Variants in POLG observed in about 807,000 individuals in gnomAD.
The protein encoded by POLG is DNA polymerase subunit gamma-1.
Under a neutral mutation model 155.4 loss-of-function variants are expected in POLG, and 110 were observed. The ratio of observed to expected loss-of-function variants is 0.71; its 90% CI spans 0.61 to 0.83. The LOEUF (loss-of-function observed/expected upper bound fraction) is 0.83. Ranked by LOEUF, POLG falls within the 40% of genes least tolerant of loss-of-function variation. POLG has a pLI of 0.00. For synonymous variants in POLG, 701 were observed against 631.5 expected (o/e 1.11, Z -1.65); for missense variants, 1,685 against 1,627.5 (o/e 1.04, Z -0.61).
intron 3 of POLG, among the ~76,000 whole-genome samples, chr15:89,329,336 G>A (rs1275516679): frequency 6.6e-6 from 1 of 152,218 alleles, no homozygotes; most frequent in Non-Finnish European, 1.5e-5. Context: ...CACCCTTTAA[G>A]ATGCAGGCCT....
At chr15:89,325,065 T>TGAGTGAGAGAGTGAGTGAGA (rs2055459610) in intron 10 of POLG, among the ~76,000 whole-genome samples, 1 of 87,926 alleles carries the variant, frequency 1.1e-5, no homozygotes, top group African/African-American at 5.7e-5. Context: ...AGAGAGTGAG[T>TGAGTGAGAGAGTGAGTGAGA]GAGTGAGTGA....
At position 89,330,070 on chromosome 15, in the gene POLG, A is replaced by G. The variant is rs1374326047; in HGVS notation, c.855+11T>C. 1 of 1,612,962 alleles carries G rather than the reference A, an allele frequency of 6.2e-7. No individual in the cohort carries two copies. Among genetic ancestry groups the G allele is most frequent in the Non-Finnish European group, 8.5e-7 (1 of 1,179,070 alleles). ...CATGCCAGAACCTGCAGTTGGCCCCAGGAACCTTACCTGGATCAGGTACTG... is the reference window on the plus strand; with the variant it reads ...CATGCCAGAACCTGCAGTTGGCCCCGGGAACCTTACCTGGATCAGGTACTG... On this transcript the variant is annotated intron_variant, in intron 3 of 22. Transcript: ENST00000268124.
chr15:89,321,935 T>C, intron 15 of POLG, 27 bp downstream of exon 15: 1 of 1,613,000 alleles, frequency 6.2e-7, no homozygotes, highest in Non-Finnish European at 8.5e-7. Context: ...AGTTCTCCTA[T>C]CCCTACAACC....
At chr15:89,325,183 T>TGAGTGAGTGAGA (rs1258706674) in intron 10 of POLG, among the ~76,000 whole-genome samples, 4 of 45,786 alleles carry the variant, frequency 8.7e-5, no homozygotes, top group Admixed American at 2.1e-4. Flanking sequence ...AGTGAGAGAG[T>TGAGTGAGTGAGA]GAGTGAGTGA....
chr15:89,328,854 A>G, intron 4 of POLG, 23 bp from the exon 5 acceptor site: 1 of 1,614,066 alleles, frequency 6.2e-7, no homozygotes, highest in Non-Finnish European at 8.5e-7. Context: ...AGCAAGGGAC[A>G]TGGCAGATCA....
intron 18 of POLG, 132 bp downstream of exon 18, chr15:89,320,634 C>A: frequency 9.9e-7 from 1 of 1,007,602 alleles, no homozygotes; most frequent in Admixed American, 2.0e-5. Context: ...CCAGGTTACA[C>A]AGGTGTGGAA....
rs762878459 is a variant in POLG at position 89,327,215 on chromosome 15, G to A, written c.1385C>T (p.Ser462Leu). ...YEELQREMKK[S>L]LMDLANDACQ... ...GGCATCATTGGCCAGATCCATCAAC[G>A]ACTTCTTCATCTCCCGCTGGAGCTC... Residue 462 changes from serine (S) to leucine (L), a missense_variant, in exon 7 of 23, where the codon TCG (serine) becomes TTG (leucine). By Grantham distance (145) the Ser-to-Leu change is moderately radical. This residue lies in a region of POLG where 1,210 missense variants were observed against 1,167.1 expected (regional missense o/e 1.04). Transcript: ENST00000268124. 14 of 1,614,070 alleles carry A rather than the reference G, an allele frequency of 8.7e-6. No homozygotes were observed. Among genetic ancestry groups the A allele is most frequent in the Admixed American group, 6.7e-5 (4 of 60,006 alleles).
At chr15:89,326,404 T>C (rs550684895) in intron 9 of POLG, among the ~76,000 whole-genome samples, 15 of 152,300 alleles carry the variant, frequency 9.8e-5, no homozygotes, top group African/African-American at 3.4e-4. Context: ...GCACAGCAGG[T>C]GCTCACAACA....
intron 1 of POLG, chr15:89,334,354 T>C (rs1361752768): frequency 1.3e-5 from 2 of 153,530 alleles, no homozygotes; most frequent in East Asian, 1.9e-4. Context: ...CGGCAAATGG[T>C]GGCTGCCATT....
At chr15:89,332,299 A>C (rs991436647) in intron 2 of POLG, 2 of 152,256 alleles carry the variant, frequency 1.3e-5, no homozygotes, top group African/African-American at 2.4e-5. Flanking sequence ...TGTAGCTTCC[A>C]ATAGGAATAA....
rs748248482 is a variant in POLG, at chr15:89,320,812, C to A, written c.2935G>T (p.Ala979Ser). Residue 979 changes from alanine to serine, a missense_variant, in exon 18 of 23, where the codon GCT becomes TCT. Physicochemically the swap from Ala to Ser is moderately conservative, Grantham distance 99. Transcript: ENST00000268124. ...GCGTACATCTGCTGGGCCTTCTCAGCTGCCTCCTGCTGTGTGAGCCGGTGG... is the reference window on the plus strand; with the variant it reads ...GCGTACATCTGCTGGGCCTTCTCAGATGCCTCCTGCTGTGTGAGCCGGTGG... ...FNHRLTQQEAAEKAQQMYAAT... is the reference protein window; with the variant it reads ...FNHRLTQQEASEKAQQMYAAT... The A allele has an allele frequency of 6.2e-7, 1 of 1,613,900 alleles. No individual in the cohort carries two copies. Among genetic ancestry groups the A allele is most frequent in the South Asian group, 1.1e-5 (1 of 91,072 alleles).
In POLG at chr15:89,327,471, G is replaced by A. The variant is rs3176176; in HGVS notation, c.1251-122C>T. ...ACATGGCACAGCTCAAAAGTCAGAC[G>A]GCATTAAATCCCAGCTCTACTGTTA... is the stretch of plus-strand genomic sequence containing the variant. On this transcript the variant is annotated intron_variant, in intron 6 of 22. Coordinates refer to ENST00000268124, the MANE Select transcript of POLG (RefSeq NM_002693.3). The A allele has an allele frequency of 3.8e-5, 33 of 857,660 alleles. No individual in the cohort carries two copies. The Admixed American group carries it at 4.5e-4, about 12-fold the overall frequency. The allele number at this position is 857,660 out of a possible 1,614,324, so 53.1% of individuals were successfully genotyped here.
intron 21 of POLG, chr15:89,318,146 T>C (rs866337184): frequency 2.0e-5 from 4 of 198,796 alleles, no homozygotes; most frequent in South Asian, 8.2e-5. Context: ...TAACAAACTT[T>C]TGGCACTTAC....
intron 6 of POLG, among the ~76,000 whole-genome samples, chr15:89,327,676 G>A (rs758872582): frequency 1.3e-5 from 2 of 152,100 alleles, no homozygotes; most frequent in African/African-American, 2.4e-5. Context: ...TCCCATACAT[G>A]AAAAACATCA....
chr15:89,318,903 T>G lies in POLG; in HGVS notation c.3273+28A>C, dbSNP rs371425871. On this transcript the variant is annotated intron_variant, in intron 20 of 22. Transcript: ENST00000268124. The stretch of plus-strand genomic sequence containing the variant: ...TGCCCTGCCCTCCCTGGGGCCCCTC[T>G]GCCCATGCTCCAAAGGTAGCAAGAT... 64 of 1,613,496 alleles carry G rather than the reference T, an allele frequency of 4.0e-5. No individual in the cohort carries two copies. Among genetic ancestry groups the G allele is most frequent in the Non-Finnish European group, 5.1e-5 (60 of 1,179,684 alleles).
At position 89,327,453 on chromosome 15, in the gene POLG, A is replaced by C. The variant is rs1463336797; in HGVS notation, c.1251-104T>G. ...GCCTCAACCCAGCCACTGACATGGCACAGCTCAAAAGTCAGACGGCATTAA... is the reference window on the plus strand; with the variant it reads ...GCCTCAACCCAGCCACTGACATGGCCCAGCTCAAAAGTCAGACGGCATTAA... On this transcript the variant is annotated intron_variant, in intron 6 of 22. Transcript: ENST00000268124. 9 of 1,034,414 alleles carry C rather than the reference A, an allele frequency of 8.7e-6. No individual in the cohort carries two copies. The East Asian group carries it at 2.0e-4, about 23-fold the overall frequency. The allele number at this position is 1,034,414 out of a possible 1,614,324, so 64.1% of individuals were successfully genotyped here.
Position 89,316,487 on chromosome 15 carries a change from T to TG in POLG, c.*263dup. ...GAAATGCCTGAGTTAATGTGAACTT[T>TG]GGGGCTTCTGCTTCATTTTTACCCA... On this transcript the variant is annotated 3_prime_UTR_variant, in exon 23 of 23. Coordinates refer to ENST00000268124, the MANE Select transcript of POLG (RefSeq NM_002693.3). 1 of 1,591,934 alleles carries TG rather than the reference T, an allele frequency of 6.3e-7. No individual in the cohort carries two copies. Among genetic ancestry groups the TG allele is most frequent in the Admixed American group, 1.7e-5 (1 of 57,344 alleles).
chr15:89,321,675 G>C (rs1287067537), intron 16 of POLG, 61 bp downstream of exon 16: 10 of 1,229,302 alleles, frequency 8.1e-6, no homozygotes, highest in African/African-American at 1.5e-5. Context: ...GGCCCTCAGA[G>C]CCCAGTTTCT....
chr15:89,321,135 G>A lies in POLG; in HGVS notation c.2724C>T (p.Ala908=), dbSNP rs377390914. The A allele has an allele frequency of 1.4e-4, 228 of 1,614,104 alleles. No individual in the cohort carries two copies. Among genetic ancestry groups the A allele is most frequent in the Non-Finnish European group, 1.8e-4 (211 of 1,180,046 alleles). ...IAAVLGDAHF[A]GMHGCTAFGW... is the part of the protein sequence containing the mutation. The stretch of plus-strand genomic sequence containing the variant: ...CCGGCTCCTGCTCACCATGCATGCC[G>A]GCAAAGTGGGCGTCTCCAAGCACAG... Residue 908 remains alanine, a synonymous_variant, in exon 17 of 23, where the codon GCC becomes GCT. Transcript: ENST00000268124.
Sources: gnomAD v4.1 joint callset for allele counts (sites outside exome capture counted in the v4.1 genomes callset) on GRCh38, gnomAD v4.1.1 for gene constraint, gnomAD v4.1.1 regional missense constraint, MANE v1.5 for transcripts, NCBI Gene and HGNC (gene_info 2026-07-23, HGNC 2026-07-21) for gene names.